The following ADAMTS17 variants were observed in gnomAD, a reference collection of about 807,000 sequenced individuals.
The protein encoded by ADAMTS17 is ADAM metallopeptidase with thrombospondin type 1 motif 17.
In ADAMTS17, 113 loss-of-function variants were observed where a neutral mutation model predicts 141.5. The observed-to-expected ratio is 0.80, with a 90% confidence interval of 0.69 to 0.93. ADAMTS17 has a LOEUF of 0.93. ADAMTS17 is among the 40% of genes least tolerant of loss of function. ADAMTS17 has a pLI of 0.00. For missense variants in ADAMTS17, 1,659 were observed against 1,517.9 expected (o/e 1.09, Z -1.54); for synonymous variants, 768 against 630.6 (o/e 1.22, Z -3.27).
At chr15:99,986,867 T>C (rs1810464497) in intron 20 of ADAMTS17, among the ~76,000 whole-genome samples, 1 of 152,200 alleles carries the variant, frequency 6.6e-6, no homozygotes, top group South Asian at 2.1e-4. Flanking sequence ...TGGAAAGAGC[T>C]ACTATCCCGG....
intron 8 of ADAMTS17, among the ~76,000 whole-genome samples, chr15:100,161,131 C>G (rs60130886): frequency 0.02 from 3,090 of 152,276 alleles, 163 homozygotes; most frequent in East Asian, 0.19. Context: ...ATGGCCTTGA[C>G]TTGATTTTAT....
intron 14 of ADAMTS17, among the ~76,000 whole-genome samples, chr15:100,100,274 G>C (rs1010492379): frequency 2.0e-5 from 3 of 152,114 alleles, no homozygotes; most frequent in Admixed American, 6.5e-5. Flanking sequence ...TTGCTTCTTC[G>C]ACTCCGTGAA....
At chr15:100,044,125 G>A (rs986285612) in intron 18 of ADAMTS17, among the ~76,000 whole-genome samples, 1 of 152,176 alleles carries the variant, frequency 6.6e-6, no homozygotes, top group Non-Finnish European at 1.5e-5. Flanking sequence ...TGATCAGAGG[G>A]CTCTGTTATG....
At chr15:100,236,028 T>G (rs1353057882) in intron 7 of ADAMTS17, among the ~76,000 whole-genome samples, 1 of 152,106 alleles carries the variant, frequency 6.6e-6, no homozygotes, top group Non-Finnish European at 1.5e-5. Flanking sequence ...ATTCGATTCC[T>G]TGCATGACAG....
chr15:100,289,629 C>G (rs1221918770), intron 3 of ADAMTS17, among the ~76,000 whole-genome samples: 4 of 152,034 alleles, frequency 2.6e-5, no homozygotes, highest in African/African-American at 9.7e-5. Flanking sequence ...AAAATACTAG[C>G]AAACTGAATC....
chr15:100,318,421 T>G (rs1300391703), intron 3 of ADAMTS17, among the ~76,000 whole-genome samples: 1 of 152,048 alleles, frequency 6.6e-6, no homozygotes, highest in Non-Finnish European at 1.5e-5. Flanking sequence ...GGGGCCCTCA[T>G]GAATGGTATT....
At position 100,152,777 on chromosome 15, in the gene ADAMTS17, A is replaced by G. The variant is rs1193613855; in HGVS notation, c.1323-15T>C. On this transcript the variant is annotated splice_polypyrimidine_tract_variant and intron_variant, in intron 9 of 21. Coordinates refer to ENST00000268070, the MANE Select transcript of ADAMTS17 (RefSeq NM_139057.4). ...TGACTTTTGACCTGAAACAGCCGAG[A>G]GGCAAGTTGACTTGCAAATGTACTG... 2 of 1,613,156 alleles carry G rather than the reference A, an allele frequency of 1.2e-6. No individual in the cohort carries two copies. The highest frequency in any genetic ancestry group is 1.7e-5 in the Admixed American group (1 of 59,944).
chr15:99,984,749 CT>C (rs1028311505), intron 20 of ADAMTS17, among the ~76,000 whole-genome samples: 47 of 152,212 alleles, frequency 3.1e-4, no homozygotes, highest in African/African-American at 1.0e-3. Context: ...ACCTGCCCTG[CT>C]CTGAGGTCAA....
chr15:100,203,099 C>T (rs961506507), intron 7 of ADAMTS17, among the ~76,000 whole-genome samples: 3 of 152,188 alleles, frequency 2.0e-5, no homozygotes, highest in Admixed American at 6.5e-5. Context: ...TCTGAACACT[C>T]GACCCTCCCT....
At chr15:100,186,357 T>C (rs1210998394) in intron 8 of ADAMTS17, among the ~76,000 whole-genome samples, 4 of 152,154 alleles carry the variant, frequency 2.6e-5, no homozygotes, top group Non-Finnish European at 4.4e-5. Context: ...CTCATCTTCC[T>C]CTCTATAAAA....
intron 15 of ADAMTS17, among the ~76,000 whole-genome samples, chr15:100,090,673 G>A (rs1297984452): frequency 6.6e-6 from 1 of 152,228 alleles, no homozygotes; most frequent in East Asian, 1.9e-4. Flanking sequence ...TTATGCATGC[G>A]CTCTGCTAAC....
At position 100,063,689 on chromosome 15, in the gene ADAMTS17, G is replaced by A. The variant is rs1167946287; in HGVS notation, c.2138-9635C>T. The A allele has an allele frequency of 3.9e-6, 5 of 1,289,930 alleles. No homozygotes were observed. The Admixed American group carries it at 9.2e-5, about 24-fold the overall frequency. 79.9% of individuals were successfully genotyped at this position (1,289,930 alleles called of 1,614,324 possible). Reference sequence around the variant, plus strand: ...TCATTTGTGTTTTACCCAGAAAGCTGTGGGCAGGTTTATCCTCCACCACAC... The same window carrying A: ...TCATTTGTGTTTTACCCAGAAAGCTATGGGCAGGTTTATCCTCCACCACAC... On this transcript the variant is annotated intron_variant, in intron 15 of 21. Coordinates refer to ENST00000268070, the MANE Select transcript of ADAMTS17 (RefSeq NM_139057.4).
intron 15 of ADAMTS17, among the ~76,000 whole-genome samples, chr15:100,095,894 G>A (rs1238929816): frequency 6.6e-6 from 1 of 152,214 alleles, no homozygotes; most frequent in Non-Finnish European, 1.5e-5. Flanking sequence ...AGCTGGCAGT[G>A]GCACCTGAGA....
At chr15:100,042,271 A>G (rs959701099) in intron 18 of ADAMTS17, among the ~76,000 whole-genome samples, 2 of 152,232 alleles carry the variant, frequency 1.3e-5, no homozygotes, top group Non-Finnish European at 2.9e-5. Flanking sequence ...CATGACAACT[A>G]GATCGTGCCA....
chr15:100,262,218 T>A, intron 5 of ADAMTS17, 134 bp downstream of exon 5: 1 of 796,234 alleles, frequency 1.3e-6, no homozygotes, highest in Non-Finnish European at 2.1e-6. Context: ...GGCTTTCCTC[T>A]CACGCTGGCA....
chr15:100,161,702 T>C (rs534995721), intron 8 of ADAMTS17, among the ~76,000 whole-genome samples: 7 of 152,316 alleles, frequency 4.6e-5, no homozygotes, highest in Admixed American at 3.3e-4. Flanking sequence ...AAGGACCAGA[T>C]TGTGCCCCCA....
At chr15:100,249,997 C>T (rs1390585929) in intron 7 of ADAMTS17, among the ~76,000 whole-genome samples, 1 of 152,152 alleles carries the variant, frequency 6.6e-6, no homozygotes, top group East Asian at 1.9e-4. Flanking sequence ...GACTGCACAG[C>T]TGTGTGGAAG....
At chr15:100,182,277 C>T (rs2040551402) in intron 8 of ADAMTS17, among the ~76,000 whole-genome samples, 1 of 152,124 alleles carries the variant, frequency 6.6e-6, no homozygotes, top group Non-Finnish European at 1.5e-5. Context: ...GGCGGACGAG[C>T]CCCTTATAAA....
intron 8 of ADAMTS17, among the ~76,000 whole-genome samples, chr15:100,179,139 C>T (rs567649665): frequency 6.6e-6 from 1 of 152,056 alleles, no homozygotes; most frequent in African/African-American, 2.4e-5. Flanking sequence ...TAACTATAGC[C>T]CTGTTGTGGA....
Sources: gnomAD v4.1 joint callset for allele counts (sites outside exome capture counted in the v4.1 genomes callset) on GRCh38, gnomAD v4.1.1 for gene constraint, MANE v1.5 for transcripts, NCBI Gene and HGNC (gene_info 2026-07-23, HGNC 2026-07-21) for gene names.